Variants in ZNF829 observed in about 807,000 individuals in gnomAD.
ZNF829 encodes zinc finger protein 829.
A neutral mutation model predicts 35.2 loss-of-function variants in ZNF829; 25 were observed. That is an observed-to-expected ratio of 0.71 (90% CI 0.52 to 0.99). ZNF829 has a LOEUF of 0.99. Among genes scored for constraint, ZNF829 ranks in the 50% least tolerant of loss-of-function variants. The probability of loss-of-function intolerance (pLI) is 0.00; values close to 1 mark genes in which losing one functional copy is unlikely to be tolerated. For synonymous variants in ZNF829, 136 were observed against 163.2 expected (o/e 0.83, Z 1.27); for missense variants, 417 against 515.3 (o/e 0.81, Z 1.85).
At chr19:36,900,183 CACACACACACACACAA>C (rs1568369484) in intron 5 of ZNF829, among the ~76,000 whole-genome samples, 1 of 149,096 alleles carries the variant, frequency 6.7e-6, no homozygotes, top group Non-Finnish European at 1.5e-5. Context: ...CACACACACA[CACACACACACACACAA>C]ATTTGCTGGG....
chr19:36,901,993 C>T (rs1430203453), intron 5 of ZNF829: 9 of 722,824 alleles, frequency 1.2e-5, no homozygotes, highest in Middle Eastern at 2.4e-4. Context: ...CATAACGAAT[C>T]CATGTGCGGT....
At chr19:36,904,019 T>A (rs2073194788) in intron 5 of ZNF829, among the ~76,000 whole-genome samples, 1 of 152,206 alleles carries the variant, frequency 6.6e-6, no homozygotes, top group South Asian at 2.1e-4. Flanking sequence ...AAGTGACTAT[T>A]ATTAAGCAAA....
In ZNF829 at chr19:36,890,703, A is replaced by T. The variant is rs1600726135; in HGVS notation, c.*789T>A. ...TAAAAATACAAAAAAAAAAAAAAAA[A>T]AAATTAGCCGGGCATGGTGGCGCAT... On this transcript the variant is annotated 3_prime_UTR_variant, in exon 6 of 6. Transcript: ENST00000391711. 1 of 151,226 alleles carries T rather than the reference A, an allele frequency of 6.6e-6. No homozygotes were observed. Among genetic ancestry groups the T allele is most frequent in the East Asian group, 2.0e-4 (1 of 5,128 alleles). The allele number at this position is 151,226 out of a possible 1,614,324, so 9.4% of individuals were successfully genotyped here. A position where few individuals can be genotyped will look rare whatever the true frequency, so the allele number is the denominator to read the frequency against.
chr19:36,896,999 C>G (rs1568368470), intron 5 of ZNF829, among the ~76,000 whole-genome samples: 1 of 151,960 alleles, frequency 6.6e-6, no homozygotes, highest in Non-Finnish European at 1.5e-5. Context: ...CAAGACTGAA[C>G]CAGGAAGAAA....
chr19:36,904,354 G>A (rs1049133534), intron 5 of ZNF829, among the ~76,000 whole-genome samples: 6 of 152,290 alleles, frequency 3.9e-5, no homozygotes, highest in African/African-American at 1.4e-4. Flanking sequence ...AGGGACTGGG[G>A]CAGTCATGGT....
intron 5 of ZNF829, among the ~76,000 whole-genome samples, chr19:36,896,205 G>A (rs931420827): frequency 4.6e-5 from 7 of 152,058 alleles, no homozygotes; most frequent in Admixed American, 4.6e-4. Flanking sequence ...CACCTACTCG[G>A]GAGGCTGAGG....
chr19:36,902,881 CA>C (rs2073182621), intron 5 of ZNF829, among the ~76,000 whole-genome samples: 1 of 151,826 alleles, frequency 6.6e-6, no homozygotes. Flanking sequence ...ACTAAAAATA[CA>C]AAAATTAGCT....
intron 4 of ZNF829, 39 bp from the exon 5 acceptor site, chr19:36,908,063 G>C: frequency 6.4e-7 from 1 of 1,569,438 alleles, no homozygotes; most frequent in South Asian, 1.1e-5. Context: ...GTTATGCTGT[G>C]GGGTCCCCAG....
chr19:36,896,473 ACT>A (rs1227610241), intron 5 of ZNF829, among the ~76,000 whole-genome samples: 1 of 152,036 alleles, frequency 6.6e-6, no homozygotes, highest in African/African-American at 2.4e-5. Context: ...ACGGAACTAG[ACT>A]CTGTCTCAAA....
chr19:36,892,577 A>G, intron 5 of ZNF829, 106 bp from the exon 6 acceptor site: 1 of 1,244,206 alleles, frequency 8.0e-7, no homozygotes, highest in Non-Finnish European at 1.1e-6. Flanking sequence ...GAGAAATTAC[A>G]CAGTTTTCAA....
intron 3 of ZNF829, among the ~76,000 whole-genome samples, chr19:36,913,726 A>G (rs1006806695): frequency 2.0e-5 from 3 of 152,164 alleles, no homozygotes; most frequent in African/African-American, 4.8e-5. Flanking sequence ...TCCTGAACTA[A>G]TAATAGATAT....
chr19:36,891,656 G>A lies in ZNF829; in HGVS notation c.1135C>T (p.Pro379Ser). The A allele has an allele frequency of 5.6e-6, 9 of 1,613,382 alleles. No homozygotes were observed. Among genetic ancestry groups the A allele is most frequent in the Non-Finnish European group, 7.6e-6 (9 of 1,179,800 alleles). ...QHQRIHTDEK[P>S]YECNECGKAF... ...TTCCCACATTCATTACATTCATATG[G>A]TTTTTCATCTGTATGGATTCTCTGA... The change falls in exon 6 of 6, where the codon CCA (proline) becomes TCA (serine). Residue 379 changes from proline to serine, a missense_variant. Pro to Ser is a moderately conservative substitution (Grantham distance 74). Transcript: ENST00000391711.
chr19:36,915,964 G>T lies in ZNF829; in HGVS notation c.-85+47C>A, dbSNP rs1471174838. 9 of 1,531,126 alleles carry T rather than the reference G, an allele frequency of 5.9e-6. No individual in the cohort carries two copies. The South Asian group carries it at 9.6e-5, about 16-fold the overall frequency. 94.8% of individuals were successfully genotyped at this position (1,531,126 alleles called of 1,614,324 possible). A position where few individuals can be genotyped will look rare whatever the true frequency, so the allele number is the denominator to read the frequency against. On this transcript the variant is annotated intron_variant, in intron 1 of 5. Transcript: ENST00000391711. Reference sequence around the variant, plus strand: ...AGCCCTTTCCAGTCATCCCGGATGGGAACTTGCAGACCTGAGCCAGTTCTC... The same window carrying T: ...AGCCCTTTCCAGTCATCCCGGATGGTAACTTGCAGACCTGAGCCAGTTCTC...
rs779598537 is a variant in ZNF829, at chr19:36,892,487, A to G, written c.320-16T>C. The G allele has an allele frequency of 6.5e-7, 1 of 1,541,136 alleles. No individual in the cohort carries two copies. The highest frequency in any genetic ancestry group is 2.3e-5 in the East Asian group (1 of 44,330). On this transcript the variant is annotated splice_polypyrimidine_tract_variant and intron_variant, in intron 5 of 5. Transcript: ENST00000391711. ...GATTCCAGATCTGAAAGAAAATACA[A>G]AGGCAAATAAATTTTCCTATTCTGG... is the stretch of plus-strand genomic sequence containing the variant.
chr19:36,902,052 C>G (rs1568369934), intron 5 of ZNF829: 1 of 565,334 alleles, frequency 1.8e-6, no homozygotes, highest in African/African-American at 1.9e-5. Flanking sequence ...AAACTCTATA[C>G]TTTGGTTATC....
intron 3 of ZNF829, among the ~76,000 whole-genome samples, 189 bp from the exon 4 acceptor site, chr19:36,908,648 C>G (rs747688683): frequency 7.9e-5 from 12 of 152,182 alleles, no homozygotes; most frequent in Non-Finnish European, 1.5e-4. Context: ...AGCATGCATT[C>G]AGCTCAATTA....
intron 5 of ZNF829, among the ~76,000 whole-genome samples, chr19:36,899,906 A>T (rs771357870): frequency 1.3e-4 from 20 of 151,686 alleles, no homozygotes; most frequent in Non-Finnish European, 2.7e-4. Flanking sequence ...TCATATAAAA[A>T]TTTTTTTTTA....
At chr19:36,896,624 T>C (rs2073116325) in intron 5 of ZNF829, among the ~76,000 whole-genome samples, 1 of 152,192 alleles carries the variant, frequency 6.6e-6, no homozygotes, top group Admixed American at 6.5e-5. Context: ...CAAATGGACC[T>C]ACCAGACACT....
rs1272270631 is a variant in ZNF829, at chr19:36,888,355, A to G, written c.*3137T>C. 1 of 152,150 alleles carries G rather than the reference A, an allele frequency of 6.6e-6. No individual in the cohort carries two copies. The highest frequency in any genetic ancestry group is 2.4e-5 in the African/African-American group (1 of 41,436). 9.4% of individuals were successfully genotyped at this position (152,150 alleles called of 1,614,324 possible). On this transcript the variant is annotated 3_prime_UTR_variant, in exon 6 of 6. Coordinates refer to ENST00000391711, the MANE Select transcript of ZNF829 (RefSeq NM_001037232.4). ...ACCACAATATAGTGTCAAACCGTCA[A>G]TGCAAAAATCTTTAATCTCCTTGCC...
Sources: allele counts gnomAD v4.1 joint callset (sites outside exome capture counted in the v4.1 genomes callset), GRCh38; gene constraint gnomAD v4.1.1; transcripts MANE v1.5; gene names NCBI Gene and HGNC (gene_info 2026-07-23, HGNC 2026-07-21).